The following KLF7 variants were observed in gnomAD, a reference collection of about 807,000 sequenced individuals.
KLF7 encodes the protein Krueppel-like factor 7.
Under a neutral mutation model 27.3 loss-of-function variants are expected in KLF7, and 2 were observed. That is an observed-to-expected ratio of 0.07 (90% CI 0.03 to 0.23). KLF7 has a LOEUF of 0.23. KLF7 is among the 10% of genes least tolerant of loss of function. The pLI, the probability that KLF7 is intolerant of heterozygous loss-of-function variation, is 1.00. For synonymous variants in KLF7, 165 were observed against 162.4 expected, an observed-to-expected ratio of 1.02 and a Z score of -0.12; for missense variants, 221 against 394.1, an observed-to-expected ratio of 0.56 and a Z score of 3.72.
rs1207292501 is a variant in KLF7 at position 207,075,380 on chromosome 2, T to A, written c.*5833A>T. On this transcript the variant is annotated 3_prime_UTR_variant, in exon 4 of 4. Transcript: ENST00000309446. ...ATATATATAAAAAGCTTAAAAAAAA[T>A]AAAATGTCAAAAAAAGGCATAACCG... 6.8e-6 allele frequency: 1 copy of A among 148,060 alleles called. No individual in the cohort carries two copies. Among genetic ancestry groups the A allele is most frequent in the Non-Finnish European group, 1.5e-5 (1 of 67,052 alleles). The allele number at this position is 148,060 out of a possible 1,614,324, so 9.2% of individuals were successfully genotyped here.
intron 3 of KLF7, among the ~76,000 whole-genome samples, chr2:207,086,741 T>G (rs984297804): frequency 6.6e-6 from 1 of 152,230 alleles, no homozygotes; most frequent in Admixed American, 6.5e-5. Flanking sequence ...ATACTAACTT[T>G]GGCAATTTCC....
At chr2:207,167,043 G>T, upstream of KLF7, 5 of 1,095,302 alleles carry the variant, frequency 4.6e-6, no homozygotes, top group South Asian at 2.5e-5. Flanking sequence ...CCTGTTGCTC[G>T]ACTGTGCGTT....
chr2:207,155,775 T>C (rs2078365931), intron 1 of KLF7, among the ~76,000 whole-genome samples: 1 of 152,140 alleles, frequency 6.6e-6, no homozygotes, highest in East Asian at 1.9e-4. Context: ...TTCAACACCA[T>C]AGTCAGAAGC....
chr2:207,173,604 T>G, the KLF7 span: 2 of 152,162 alleles, frequency 1.3e-5, no homozygotes, highest in African/African-American at 4.8e-5. Flanking sequence ...GTGGGCATAT[T>G]ACAGTTTAAC....
intron 1 of KLF7, among the ~76,000 whole-genome samples, chr2:207,133,849 C>T (rs528015219): frequency 1.3e-5 from 2 of 152,298 alleles, no homozygotes; most frequent in East Asian, 3.9e-4. Flanking sequence ...ATTCCTCCCC[C>T]CAGTGGATCT....
At chr2:207,118,136 T>C (rs1370776997) in intron 2 of KLF7, among the ~76,000 whole-genome samples, 1 of 152,260 alleles carries the variant, frequency 6.6e-6, no homozygotes, top group Non-Finnish European at 1.5e-5. Flanking sequence ...AGTTACTTTT[T>C]TGTTGTTGTG....
chr2:207,094,456 ATGGAAAAGAAAAC>A (rs1284354295), intron 2 of KLF7, among the ~76,000 whole-genome samples: 4 of 152,222 alleles, frequency 2.6e-5, no homozygotes, highest in East Asian at 3.8e-4. Context: ...AGATCAGGAA[ATGGAAAAGAAAAC>A]TGGAAAAGAG....
chr2:207,167,274 T>C, upstream of KLF7: 1 of 719,388 alleles, frequency 1.4e-6, no homozygotes, highest in South Asian at 5.3e-5. Flanking sequence ...CAATTCACGT[T>C]AGGGTTGGCC....
At chr2:207,123,654 C>T in intron 2 of KLF7, 120 bp downstream of exon 2, 1 of 1,114,496 alleles carries the variant, frequency 9.0e-7, no homozygotes, top group Non-Finnish European at 1.3e-6. Flanking sequence ...GGCCTCCCGC[C>T]TGTCTATCAC....
In KLF7 at chr2:207,079,568, T is replaced by G. The variant is rs2105839957; in HGVS notation, c.*1645A>C. The G allele has an allele frequency of 6.6e-6, 1 of 152,358 alleles. No homozygotes were observed. The highest frequency in any genetic ancestry group is 2.4e-5 in the African/African-American group (1 of 41,548). The allele number at this position is 152,358 out of a possible 1,614,324, so 9.4% of individuals were successfully genotyped here. A position where few individuals can be genotyped will look rare whatever the true frequency, so the allele number is the denominator to read the frequency against. ...GGCCATTTGATGGTCCTAAAGGCAG[T>G]CTTTGGAGTTGAGGCCAGTGCCAGC... On this transcript the variant is annotated 3_prime_UTR_variant, in exon 4 of 4. Coordinates refer to ENST00000309446, the MANE Select transcript of KLF7 (RefSeq NM_003709.4).
intron 1 of KLF7, among the ~76,000 whole-genome samples, chr2:207,143,162 T>C (rs2077992050): frequency 1.3e-5 from 2 of 151,752 alleles, no homozygotes; most frequent in South Asian, 4.2e-4. Flanking sequence ...ATAAATACTA[T>C]CAAAAAAAAT....
intron 1 of KLF7, among the ~76,000 whole-genome samples, chr2:207,129,332 C>T (rs1444057566): frequency 6.6e-6 from 1 of 152,186 alleles, no homozygotes; most frequent in Non-Finnish European, 1.5e-5. Context: ...CTTCCCTCAG[C>T]CTGACCTAAC....
rs1387491522 is a variant in KLF7 at position 207,080,147 on chromosome 2, G to A, written c.*1066C>T. 1 of 152,206 alleles carries A rather than the reference G, an allele frequency of 6.6e-6. No homozygotes were observed. Among genetic ancestry groups the A allele is most frequent in the Non-Finnish European group, 1.5e-5 (1 of 68,038 alleles). The allele number at this position is 152,206 out of a possible 1,614,324, so 9.4% of individuals were successfully genotyped here. On this transcript the variant is annotated 3_prime_UTR_variant, in exon 4 of 4. Coordinates refer to ENST00000309446, the MANE Select transcript of KLF7 (RefSeq NM_003709.4). ...GCTGAGGTCATCATGCCTCAAGGAG[G>A]ATGAGAGAACTGTGATGTCCCATCT... is the stretch of plus-strand genomic sequence containing the variant.
At chr2:207,160,630 T>G (rs183746035) in intron 1 of KLF7, among the ~76,000 whole-genome samples, 291 of 152,320 alleles carry the variant, frequency 1.9e-3, no homozygotes, top group African/African-American at 6.7e-3. Flanking sequence ...TTAAAGAAGA[T>G]TGCAATGTCT....
At chr2:207,151,495 T>C (rs2078247227) in intron 1 of KLF7, among the ~76,000 whole-genome samples, 1 of 152,122 alleles carries the variant, frequency 6.6e-6, no homozygotes, top group Admixed American at 6.6e-5. Context: ...AAAGAGCTCC[T>C]GGGTGCAAAA....
chr2:207,134,385 T>C (rs7594394), intron 1 of KLF7, among the ~76,000 whole-genome samples: 12,053 of 152,030 alleles, frequency 0.079, 848 homozygotes, highest in African/African-American at 0.18. Flanking sequence ...TCAAAGCCCA[T>C]TGGGCCCTCG....
intron 1 of KLF7, among the ~76,000 whole-genome samples, chr2:207,155,982 G>C (rs2078371762): frequency 6.6e-6 from 1 of 152,202 alleles, no homozygotes; most frequent in African/African-American, 2.4e-5. Context: ...AGGTGAATGT[G>C]AGAACGGCGT....
chr2:207,103,506 C>A (rs1159877794), intron 2 of KLF7, among the ~76,000 whole-genome samples: 1 of 152,208 alleles, frequency 6.6e-6, no homozygotes, highest in Non-Finnish European at 1.5e-5. Context: ...ACAAAAGCTT[C>A]ATTTAGGATC....
Position 207,165,660 on chromosome 2 carries a change from G to A in KLF7, c.-92C>T. 1.3e-6 allele frequency: 2 copies of A among 1,583,190 alleles called. No individual in the cohort carries two copies. ...TCAGTCTGTCTGGCTCACCCCCCAAGAAGGCAGACATCCAGTGGCCCTTTT... is the reference window on the plus strand; with the variant it reads ...TCAGTCTGTCTGGCTCACCCCCCAAAAAGGCAGACATCCAGTGGCCCTTTT... On this transcript the variant is annotated 5_prime_UTR_variant, in exon 1 of 4. Transcript: ENST00000309446.
Sources: allele counts gnomAD v4.1 joint callset (sites outside exome capture counted in the v4.1 genomes callset), GRCh38; gene constraint gnomAD v4.1.1; transcripts MANE v1.5; gene names NCBI Gene and HGNC (gene_info 2026-07-23, HGNC 2026-07-21).